Variants in DPYSL4 observed in about 807,000 individuals in gnomAD.
DPYSL4 encodes dihydropyrimidinase like 4.
Under a neutral mutation model 63.4 loss-of-function variants are expected in DPYSL4, and 43 were observed. The ratio of observed to expected loss-of-function variants is 0.68; its 90% CI spans 0.53 to 0.88. The LOEUF (loss-of-function observed/expected upper bound fraction) is 0.88, where lower values mean the gene tolerates loss of function less well. Ranked by LOEUF, DPYSL4 falls within the 40% of genes least tolerant of loss-of-function variation. The probability of loss-of-function intolerance (pLI) is 0.00; values close to 1 mark genes in which losing one functional copy is unlikely to be tolerated. For synonymous variants in DPYSL4, 353 were observed against 331.7 expected (o/e 1.06, Z -0.70); for missense variants, 733 against 819.5 (o/e 0.89, Z 1.29).
chr10:132,190,897 T>C (rs2061865157), intron 2 of DPYSL4, 62 bp downstream of exon 2: 1 of 1,536,570 alleles, frequency 6.5e-7, no homozygotes, highest in Admixed American at 1.7e-5. Context: ...GGTCACGTGG[T>C]ATCCAGGCAG....
intron 1 of DPYSL4, among the ~76,000 whole-genome samples, chr10:132,187,724 C>A (rs1311615358): frequency 1.3e-5 from 2 of 152,240 alleles, no homozygotes; most frequent in African/African-American, 4.8e-5. Flanking sequence ...GGAAAGCGAG[C>A]GGTCAAGGGC....
chr10:132,202,633 CCT>C lies in DPYSL4; in HGVS notation c.1282-7_1282-6del. 1 of 1,611,090 alleles carries C rather than the reference CCT, an allele frequency of 6.2e-7. No individual in the cohort carries two copies. On this transcript the variant is annotated splice_polypyrimidine_tract_variant and intron_variant, in intron 11 of 13. Coordinates refer to ENST00000338492, the MANE Select transcript of DPYSL4 (RefSeq NM_006426.3). ...AGCGTGGAGGCACTGGACCCTCGGG[CCT>C]CTCTCCCCAGAACGTGGAGTACAAC...
chr10:132,198,647 A>G (rs908487465), intron 7 of DPYSL4, among the ~76,000 whole-genome samples, 164 bp downstream of exon 7: 1 of 152,086 alleles, frequency 6.6e-6, no homozygotes, highest in African/African-American at 2.4e-5. Flanking sequence ...CTTGTCCTCC[A>G]TCCCCCCACA....
intron 12 of DPYSL4, among the ~76,000 whole-genome samples, chr10:132,203,280 G>T (rs1422096279): frequency 6.6e-6 from 1 of 151,024 alleles, no homozygotes; most frequent in Non-Finnish European, 1.5e-5. Flanking sequence ...AGCCACGGGA[G>T]CCCCCCCCCC....
In DPYSL4 at chr10:132,203,791, A is replaced by T. The variant is rs12313; in HGVS notation, c.1491A>T (p.Gly497=). The T allele has an allele frequency of 1.2e-6, 2 of 1,611,412 alleles. No individual in the cohort carries two copies. Among genetic ancestry groups the T allele is most frequent in the Non-Finnish European group, 1.7e-6 (2 of 1,179,028 alleles). The change falls in exon 13 of 14, where the codon GGA becomes GGT. Residue 497 remains glycine (G), a synonymous_variant. Coordinates refer to ENST00000338492, the MANE Select transcript of DPYSL4 (RefSeq NM_006426.3). The part of the protein sequence containing the change: ...RLAEIHGVPR[G]LYDGPVHEVM... ...CGGAGATCCACGGTGTGCCCCGTGG[A>T]CTGTATGACGGGCCCGTCCACGAGG...
In DPYSL4 at chr10:132,192,673, C is replaced by A; in HGVS notation, c.144C>A (p.Asn48Lys). ...EDGLIKQIGE[N>K]LIVPGGIKTI... Reference sequence around the variant, plus strand: ...CTGCTTTCAGACAAATCGGAGAAAACCTCATCGTCCCTGGGGGCATCAAGA... The same window carrying A: ...CTGCTTTCAGACAAATCGGAGAAAAACTCATCGTCCCTGGGGGCATCAAGA... Residue 48 changes from asparagine to lysine, a missense_variant, in exon 3 of 14, where the codon AAC becomes AAA. Transcript: ENST00000338492. The A allele has an allele frequency of 1.9e-6, 3 of 1,605,168 alleles. No individual in the cohort carries two copies. The highest frequency in any genetic ancestry group is 2.6e-6 in the Non-Finnish European group (3 of 1,176,244).
At chr10:132,187,366 G>A (rs1368910675) in intron 1 of DPYSL4, among the ~76,000 whole-genome samples, 2 of 10,312 alleles carry the variant, frequency 1.9e-4, no homozygotes, top group Non-Finnish European at 4.8e-4. Context: ...GCCGGGCCCT[G>A]CCGGGCCCTG....
chr10:132,193,449 A>G (rs1474748165), intron 3 of DPYSL4, among the ~76,000 whole-genome samples: 1 of 152,194 alleles, frequency 6.6e-6, no homozygotes, highest in Non-Finnish European at 1.5e-5. Flanking sequence ...AGCTGGGCTC[A>G]GCTAAGCCTA....
In DPYSL4 at chr10:132,203,190, G is replaced by A. The variant is rs569316871; in HGVS notation, c.1461+365G>A. 1.5e-3 allele frequency among the ~76,000 whole-genome samples: 233 copies of A among 152,332 alleles called. 4 individuals are homozygous for A. The South Asian group carries it at 0.019, about 13-fold the overall frequency. On this transcript the variant is annotated intron_variant, in intron 12 of 13. Transcript: ENST00000338492. The stretch of plus-strand genomic sequence containing the variant: ...GTTGGACCTCAGTGTGGGTCCTTCT[G>A]GGATTCCCCATGGACAGACGTGCAC...
chr10:132,205,724 T>C lies in DPYSL4; in HGVS notation c.*794T>C. 6.6e-6 allele frequency: 1 copy of C among 152,262 alleles called. No homozygotes were observed. The allele number at this position is 152,262 out of a possible 1,614,324, so 9.4% of individuals were successfully genotyped here. ...GGACAGGCAGTCATCCTGCCTCTGA[T>C]GTGAATCAGGCCCATTAAAGACGTC... On this transcript the variant is annotated 3_prime_UTR_variant, in exon 14 of 14. Transcript: ENST00000338492.
At chr10:132,200,063 C>T (rs2061992061) in intron 8 of DPYSL4, among the ~76,000 whole-genome samples, 1 of 152,184 alleles carries the variant, frequency 6.6e-6, no homozygotes, top group South Asian at 2.1e-4. Flanking sequence ...CACAGGCACG[C>T]CCTGGCCCCG....
chr10:132,190,317 G>A (rs542586678), intron 1 of DPYSL4, among the ~76,000 whole-genome samples: 138 of 152,326 alleles, frequency 9.1e-4, no homozygotes, highest in African/African-American at 3.0e-3. Context: ...GTCCAGCTCC[G>A]TCCGCTCCCA....
At chr10:132,194,453 C>T (rs2061915194) in intron 3 of DPYSL4, among the ~76,000 whole-genome samples, 1 of 152,178 alleles carries the variant, frequency 6.6e-6, no homozygotes, top group South Asian at 2.1e-4. Flanking sequence ...GGGCCCAGCA[C>T]CTTGGACAGC....
rs540325803 is a variant in DPYSL4, at chr10:132,201,796, G to C, written c.1111-150G>C. 4.8e-6 allele frequency: 4 copies of C among 832,578 alleles called. No individual in the cohort carries two copies. In the African/African-American group the frequency reaches 5.2e-5, roughly 11 times the overall value. The allele number at this position is 832,578 out of a possible 1,614,324, so 51.6% of individuals were successfully genotyped here. On this transcript the variant is annotated intron_variant, in intron 10 of 13. Transcript: ENST00000338492. ...CCCGTGTCCTGCCGTCCAACCTTGT[G>C]GGGGGCCTGGTGGTCCAGCGTCTGT...
Position 132,204,949 on chromosome 10 carries a change from GT to G in DPYSL4, c.*20del. 1 of 1,598,418 alleles carries G rather than the reference GT, an allele frequency of 6.3e-7. No homozygotes were observed. The highest frequency in any genetic ancestry group is 1.7e-4 in the Middle Eastern group (1 of 5,982). ...CTCCTAGACGCCCAGGACCGGCCCTGTGAGCCGTGCTGGCCCCACCCGAGGC... is the reference window on the plus strand; with the variant it reads ...CTCCTAGACGCCCAGGACCGGCCCTGGAGCCGTGCTGGCCCCACCCGAGGC... On this transcript the variant is annotated 3_prime_UTR_variant, in exon 14 of 14. Transcript: ENST00000338492.
At chr10:132,202,149 C>G in intron 11 of DPYSL4, 33 bp downstream of exon 11, 2 of 1,598,618 alleles carry the variant, frequency 1.3e-6, no homozygotes, top group South Asian at 2.2e-5. Context: ...CAGGGTTGGC[C>G]TTTGTGGGGC....
rs573590989 is a variant in DPYSL4, at chr10:132,198,166, A to T, written c.622-249A>T. 2.6e-5 allele frequency among the ~76,000 whole-genome samples: 4 copies of T among 152,204 alleles called. No homozygotes were observed. The South Asian group carries it at 6.2e-4, about 24-fold the overall frequency. On this transcript the variant is annotated intron_variant, in intron 6 of 13. Coordinates refer to ENST00000338492, the MANE Select transcript of DPYSL4 (RefSeq NM_006426.3). ...TGGGGTCTTGGTGCCATCAGTCAGG[A>T]GCCCTGCAGCCTTGGGGGAGCCACT... is the stretch of plus-strand genomic sequence containing the variant.
intron 4 of DPYSL4, among the ~76,000 whole-genome samples, chr10:132,196,480 C>T (rs1450871861): frequency 6.6e-6 from 1 of 152,212 alleles, no homozygotes; most frequent in East Asian, 1.9e-4. Flanking sequence ...CACAGCGCGG[C>T]CCTGGCCGCA....
chr10:132,196,717 C>A, intron 4 of DPYSL4, 144 bp from the exon 5 acceptor site: 1 of 877,900 alleles, frequency 1.1e-6, no homozygotes, highest in Admixed American at 2.1e-5. Context: ...CGGGGGACTG[C>A]TCCCAGGGCT....
Sources: allele counts gnomAD v4.1 joint callset (sites outside exome capture counted in the v4.1 genomes callset), GRCh38; gene constraint gnomAD v4.1.1; transcripts MANE v1.5; gene names NCBI Gene and HGNC (gene_info 2026-07-23, HGNC 2026-07-21).